The following UGGT2 variants were observed in gnomAD, a reference collection of about 807,000 sequenced individuals.
UGGT2 encodes the protein UDP-glucose glycoprotein glucosyltransferase 2, also known as UDP-glucose:glycoprotein glucosyltransferase 2.
UGGT2 carries 180 observed loss-of-function variants against 192.1 expected under a neutral mutation model. The observed-to-expected ratio is 0.94, with a 90% CI of 0.83 to 1.06. UGGT2 has a LOEUF of 1.06. UGGT2 is among the 50% of genes least tolerant of loss of function. The probability of loss-of-function intolerance (pLI) is 0.00; values close to 1 mark genes in which losing one functional copy is unlikely to be tolerated. For synonymous variants in UGGT2, 580 were observed against 591.0 expected (o/e 0.98, Z 0.27); for missense variants, 1,849 against 1,795.7 (o/e 1.03, Z -0.54).
At chr13:95,888,817 CT>C (rs61412956) in intron 25 of UGGT2, among the ~76,000 whole-genome samples, 18,948 of 144,518 alleles carry the variant, frequency 0.13, 1,259 homozygotes, top group Middle Eastern at 0.21. Flanking sequence ...TGTATAATTC[CT>C]TTTTTTTTTT....
chr13:96,023,594 TCTTTGTCAAATAC>T, intron 3 of UGGT2, 22 bp downstream of exon 3: 1 of 1,582,752 alleles, frequency 6.3e-7, no homozygotes, highest in Non-Finnish European at 8.6e-7. Flanking sequence ...CTAGCGTGCC[TCTTTGTCAAATAC>T]AGATTGGGTA....
At chr13:95,900,101 T>C (rs956691712) in intron 22 of UGGT2, among the ~76,000 whole-genome samples, 5 of 152,134 alleles carry the variant, frequency 3.3e-5, no homozygotes, top group Non-Finnish European at 2.9e-5. Context: ...AATATTAGTA[T>C]ATAGATATCA....
At chr13:95,873,337 T>G (rs963002577) in intron 29 of UGGT2, among the ~76,000 whole-genome samples, 2 of 152,264 alleles carry the variant, frequency 1.3e-5, no homozygotes, top group African/African-American at 4.8e-5. Context: ...TTTTCTTGAC[T>G]ATCTTTTCTA....
chr13:95,833,489 ATG>A (rs1275566332), intron 37 of UGGT2, among the ~76,000 whole-genome samples: 2 of 152,118 alleles, frequency 1.3e-5, no homozygotes, highest in Non-Finnish European at 2.9e-5. Context: ...TCACATAATT[ATG>A]TGTGTGTGTA....
Position 95,842,381 on chromosome 13 carries a change from C to T in UGGT2, c.4285-5179G>A, listed in dbSNP as rs192805848. Among the ~76,000 whole-genome samples the T allele has an allele frequency of 4.1e-4, 62 of 152,236 alleles. 1 individual carries two copies. Among genetic ancestry groups the T allele is most frequent in the South Asian group, 6.2e-4 (3 of 4,824 alleles). ...GGATCAGCATTGTTATTTTTAGAGT[C>T]ATCCATGTTGTCTGTGTATAAATAA... On this transcript the variant is annotated intron_variant, in intron 36 of 38. Coordinates refer to ENST00000376747, the MANE Select transcript of UGGT2 (RefSeq NM_020121.4).
intron 10 of UGGT2, among the ~76,000 whole-genome samples, chr13:95,982,377 C>A (rs2051154292): frequency 6.6e-6 from 1 of 152,212 alleles, no homozygotes; most frequent in African/African-American, 2.4e-5. Context: ...TGGGACCAGG[C>A]ATGTTCAAAA....
At chr13:95,973,101 C>T (rs1594478520) in intron 10 of UGGT2, among the ~76,000 whole-genome samples, 1 of 152,102 alleles carries the variant, frequency 6.6e-6, no homozygotes, top group South Asian at 2.1e-4. Flanking sequence ...ATCCAGGAGG[C>T]GGAGGTTGCA....
chr13:95,947,446 C>G (rs943397092), intron 14 of UGGT2, among the ~76,000 whole-genome samples: 1 of 145,010 alleles, frequency 6.9e-6, no homozygotes, highest in Admixed American at 7.4e-5. Flanking sequence ...GGTAAATATA[C>G]TCTTTTTATT....
intron 14 of UGGT2, among the ~76,000 whole-genome samples, chr13:95,947,508 G>A (rs2049916412): frequency 6.7e-6 from 1 of 150,368 alleles, no homozygotes; most frequent in African/African-American, 2.5e-5. Context: ...CTGGAGTGCA[G>A]TGGCACAATC....
At position 96,025,188 on chromosome 13, in the gene UGGT2, C is replaced by T. The variant is rs562683020; in HGVS notation, c.242-1429G>A. Reference sequence around the variant, plus strand: ...GTTATCTTTGCAAATAGGGTAACATCTCAGACCCTTCACAGTACTTGACAG... The same window carrying T: ...GTTATCTTTGCAAATAGGGTAACATTTCAGACCCTTCACAGTACTTGACAG... On this transcript the variant is annotated intron_variant, in intron 2 of 38. Coordinates refer to ENST00000376747, the MANE Select transcript of UGGT2 (RefSeq NM_020121.4). 2.6e-5 allele frequency among the ~76,000 whole-genome samples: 4 copies of T among 152,314 alleles called. 1 individual carries two copies. In the South Asian group the frequency reaches 8.3e-4, roughly 32 times the overall value.
chr13:95,953,276 T>G (rs1323334433), intron 12 of UGGT2, among the ~76,000 whole-genome samples: 1 of 152,238 alleles, frequency 6.6e-6, no homozygotes, highest in Non-Finnish European at 1.5e-5. Context: ...CGTCTAAGTT[T>G]ATGGAAATCT....
At chr13:96,013,150 C>G (rs1241385839) in intron 5 of UGGT2, among the ~76,000 whole-genome samples, 157 bp downstream of exon 5, 3 of 151,622 alleles carry the variant, frequency 2.0e-5, no homozygotes. Context: ...AGACAGAATC[C>G]CAATATATTT....
chr13:96,000,603 C>G (rs1165592799), intron 5 of UGGT2, among the ~76,000 whole-genome samples: 1 of 152,040 alleles, frequency 6.6e-6, no homozygotes, highest in Non-Finnish European at 1.5e-5. Flanking sequence ...AATATCTAGT[C>G]AAAAGACCAA....
intron 17 of UGGT2, among the ~76,000 whole-genome samples, chr13:95,935,143 A>G (rs929895930): frequency 6.6e-6 from 1 of 152,106 alleles, no homozygotes; most frequent in Non-Finnish European, 1.5e-5. Context: ...CTTGTTTTTT[A>G]TCCAATTGCC....
At chr13:95,983,676 C>T (rs943205281) in intron 10 of UGGT2, 128 bp downstream of exon 10, 1 of 743,014 alleles carries the variant, frequency 1.3e-6, no homozygotes, top group Non-Finnish European at 2.3e-6. Context: ...AATAGAAGAA[C>T]CCAGACTGTT....
Position 95,972,937 on chromosome 13 carries a change from G to A in UGGT2, c.1093-266C>T, listed in dbSNP as rs561634023. On this transcript the variant is annotated intron_variant, in intron 10 of 38. Transcript: ENST00000376747. Reference sequence around the variant, plus strand: ...TGTAATGCCAGAACTTTGGGAGGCCGAGGTGGGTGGATCACCTGAGGTCAG... The same window carrying A: ...TGTAATGCCAGAACTTTGGGAGGCCAAGGTGGGTGGATCACCTGAGGTCAG... 1.2e-4 allele frequency among the ~76,000 whole-genome samples: 18 copies of A among 152,328 alleles called. No homozygotes were observed. The South Asian group carries it at 1.5e-3, about 12-fold the overall frequency.
intron 36 of UGGT2, among the ~76,000 whole-genome samples, chr13:95,850,491 T>C (rs1888929610): frequency 6.6e-6 from 1 of 152,130 alleles, no homozygotes; most frequent in Admixed American, 6.5e-5. Context: ...CAGTCAAAAT[T>C]ATGTGGTTTG....
intron 10 of UGGT2, among the ~76,000 whole-genome samples, chr13:95,975,894 A>C (rs140368830): frequency 9.2e-5 from 14 of 152,304 alleles, no homozygotes; most frequent in African/African-American, 3.4e-4. Flanking sequence ...AGAAGCATAT[A>C]ATGTGTAATG....
chr13:95,834,197 C>T (rs527715367), intron 37 of UGGT2, among the ~76,000 whole-genome samples: 1 of 144,742 alleles, frequency 6.9e-6, no homozygotes, highest in Admixed American at 7.1e-5. Context: ...TTTTGTTTAG[C>T]TATTTGTACT....
Sources: gnomAD v4.1 joint callset for allele counts (sites outside exome capture counted in the v4.1 genomes callset) on GRCh38, gnomAD v4.1.1 for gene constraint, MANE v1.5 for transcripts, NCBI Gene and HGNC (gene_info 2026-07-23, HGNC 2026-07-21) for gene names.